Variants in FAM20C observed in about 807,000 individuals in gnomAD.
FAM20C encodes FAM20C golgi associated secretory pathway kinase.
A neutral mutation model predicts 51.5 loss-of-function variants in FAM20C; 40 were observed. That is an observed-to-expected ratio of 0.78 (90% CI 0.60 to 1.01). FAM20C has a LOEUF of 1.01. Ranked by LOEUF, FAM20C falls within the 50% of genes least tolerant of loss-of-function variation. FAM20C has a pLI of 0.00. For missense variants in FAM20C, 861 were observed against 844.7 expected (o/e 1.02, Z -0.24); for synonymous variants, 406 against 380.6 (o/e 1.07, Z -0.78).
intron 2 of FAM20C, among the ~76,000 whole-genome samples, chr7:198,640 G>A (rs4244221): frequency 0.03 from 4,554 of 152,260 alleles, 223 homozygotes; most frequent in African/African-American, 0.099. Context: ...CTTTGTCATC[G>A]AAATACCTGC....
rs1192676729 is a variant in FAM20C, at chr7:212,462, C to CA, written c.863+3496dup. Among the ~76,000 whole-genome samples, 422 of 149,100 alleles carry CA rather than the reference C, an allele frequency of 2.8e-3. 1 individual carries two copies. The highest frequency in any genetic ancestry group is 9.6e-3 in the African/African-American group (389 of 40,702). ...TGAGGGACAGAACAAGACTCCGTCT[C>CA]AAAAAAAAAAGTTTTCTTTAGTAAA... On this transcript the variant is annotated intron_variant, in intron 3 of 9. Coordinates refer to ENST00000313766, the MANE Select transcript of FAM20C (RefSeq NM_020223.4).
chr7:226,606 G>C (rs905850488), intron 3 of FAM20C, among the ~76,000 whole-genome samples: 1 of 152,124 alleles, frequency 6.6e-6, no homozygotes, highest in African/African-American at 2.4e-5. Flanking sequence ...TCGCAGGTCT[G>C]TGGGGACGGG....
At chr7:257,348 G>A (rs1367391546) in intron 8 of FAM20C, 17 of 509,496 alleles carry the variant, frequency 3.3e-5, no homozygotes, top group Non-Finnish European at 5.7e-5. Flanking sequence ...CCTGGGAAAC[G>A]GAGGCCAGGA....
chr7:193,725 C>A lies in FAM20C; in HGVS notation c.526C>A (p.Pro176Thr). Residue 176 changes from proline (P) to threonine (T), a missense_variant, in exon 1 of 10, where the codon CCG becomes ACG. Pro to Thr is a conservative substitution (Grantham distance 38, BLOSUM62 -1). Coordinates refer to ENST00000313766, the MANE Select transcript of FAM20C (RefSeq NM_020223.4). ...EHPLYRVAVPPLTEEDVLFNV... is the reference protein window; with the variant it reads ...EHPLYRVAVPTLTEEDVLFNV... ...CCCGCTTTACCGGGTGGCGGTTCCG[C>A]CGCTCACGGAGGAGGACGTCCTGTT... 1 of 1,547,312 alleles carries A rather than the reference C, an allele frequency of 6.5e-7. No individual in the cohort carries two copies.
chr7:230,621 C>T (rs1445746631), intron 3 of FAM20C, among the ~76,000 whole-genome samples: 3 of 152,064 alleles, frequency 2.0e-5, no homozygotes, highest in East Asian at 1.9e-4. Context: ...TCTGTAAAAT[C>T]GGTGGAAAAA....
At chr7:193,974 A>G (rs1055935678) in intron 1 of FAM20C, 170 bp downstream of exon 1, 3 of 1,077,044 alleles carry the variant, frequency 2.8e-6, no homozygotes, top group Non-Finnish European at 3.7e-6. Flanking sequence ...TGTCTCCAGA[A>G]TAACCTCCTC....
chr7:203,986 T>G (rs1345959282), intron 2 of FAM20C, among the ~76,000 whole-genome samples: 1 of 152,204 alleles, frequency 6.6e-6, no homozygotes, highest in Admixed American at 6.5e-5. Context: ...TACTAAAAAA[T>G]GTAGTCACTA....
At chr7:211,682 G>T (rs916095577) in intron 3 of FAM20C, among the ~76,000 whole-genome samples, 1 of 152,224 alleles carries the variant, frequency 6.6e-6, no homozygotes. Flanking sequence ...AGTGTGACGC[G>T]TGGGCTAAGC....
chr7:193,450 A>G lies in FAM20C; in HGVS notation c.251A>G (p.Asn84Ser), dbSNP rs1423570411. 5 of 1,460,516 alleles carry G rather than the reference A, an allele frequency of 3.4e-6. No individual in the cohort carries two copies. The highest frequency in any genetic ancestry group is 3.6e-6 in the Non-Finnish European group (4 of 1,098,816). The allele number at this position is 1,460,516 out of a possible 1,614,324, so 90.5% of individuals were successfully genotyped here. ...GCCGCCGGCGACGCGGGCTGGCCCAACAAGCACACGCTCCGCATCCTGCAG... is the reference window on the plus strand; with the variant it reads ...GCCGCCGGCGACGCGGGCTGGCCCAGCAAGCACACGCTCCGCATCCTGCAG... ...SSAAGDAGWPNKHTLRILQDF... is the reference protein window; with the variant it reads ...SSAAGDAGWPSKHTLRILQDF... The change falls in exon 1 of 10, where the codon AAC becomes AGC. Residue 84 changes from asparagine to serine, a missense_variant. Coordinates refer to ENST00000313766, the MANE Select transcript of FAM20C (RefSeq NM_020223.4).
chr7:258,534 C>A, intron 8 of FAM20C, 112 bp from the exon 9 acceptor site: 1 of 1,097,816 alleles, frequency 9.1e-7, no homozygotes, highest in Middle Eastern at 2.0e-4. Flanking sequence ...GGTGGACCCA[C>A]TGCCTGGGGT....
At chr7:210,101 G>A (rs897277772) in intron 3 of FAM20C, among the ~76,000 whole-genome samples, 14 of 152,246 alleles carry the variant, frequency 9.2e-5, no homozygotes, top group African/African-American at 2.4e-4. Context: ...GGGAGCAGCC[G>A]TTCACCAAAA....
In FAM20C at chr7:256,000, G is replaced by T; in HGVS notation, c.1224G>T (p.Arg408=). The part of the protein sequence containing the change: ...AKRKTWRNPW[R]RSYHKRKKAE... ...GGAAGACCTGGCGGAACCCTTGGCG[G>T]CGTTCCTACCACAAGCGCAAGAAGG... The change falls in exon 6 of 10, where the codon CGG becomes CGT. Residue 408 remains arginine, a synonymous_variant. Coordinates refer to ENST00000313766, the MANE Select transcript of FAM20C (RefSeq NM_020223.4). 10 of 1,536,056 alleles carry T rather than the reference G, an allele frequency of 6.5e-6. No homozygotes were observed. Among genetic ancestry groups the T allele is most frequent in the Non-Finnish European group, 8.7e-6 (10 of 1,146,792 alleles).
In FAM20C at chr7:246,424, G is replaced by C; in HGVS notation, c.873G>C (p.Arg291Ser). The C allele has an allele frequency of 7.1e-7, 1 of 1,416,224 alleles. No individual in the cohort carries two copies. The highest frequency in any genetic ancestry group is 1.2e-5 in the South Asian group (1 of 81,754). The allele number at this position is 1,416,224 out of a possible 1,614,324, so 87.7% of individuals were successfully genotyped here. A position where few individuals can be genotyped will look rare whatever the true frequency, so the allele number is the denominator to read the frequency against. ...TGTCTTGTTTTCTCAGACAAACGAGGGAGCAGGAGACACCCCCTGACTTTT... is the reference window on the plus strand; with the variant it reads ...TGTCTTGTTTTCTCAGACAAACGAGCGAGCAGGAGACACCCCCTGACTTTT... ...QALFKPMKQT[R>S]EQETPPDFFY... The change falls in exon 4 of 10, where the codon AGG becomes AGC. Residue 291 changes from arginine to serine, a missense_variant. Around this residue, in one of 3 missense-constraint regions of FAM20C, gnomAD observed 561 missense variants for 499.8 expected, o/e 1.12. Transcript: ENST00000313766.
chr7:214,233 G>A (rs140389873), intron 3 of FAM20C, among the ~76,000 whole-genome samples: 1,663 of 152,164 alleles, frequency 0.011, 27 homozygotes, highest in African/African-American at 0.036. Context: ...GCTGAGGCAG[G>A]AGAATCGCTT....
In FAM20C at chr7:193,493, C is replaced by G. The variant is rs774167843; in HGVS notation, c.294C>G (p.Pro98=). The change falls in exon 1 of 10, where the codon CCC becomes CCG. Residue 98 remains proline, a synonymous_variant. Transcript: ENST00000313766. ...TCCTGCAGGACTTCAGCTCCGACCC[C>G]TCCTCCAACCTCTCGTCCCACTCGC... ...LRILQDFSSD[P]SSNLSSHSLE... is the part of the protein sequence containing the mutation. The G allele has an allele frequency of 6.7e-6, 10 of 1,503,120 alleles. No homozygotes were observed. The South Asian group carries it at 1.1e-4, about 17-fold the overall frequency. The allele number at this position is 1,503,120 out of a possible 1,614,324, so 93.1% of individuals were successfully genotyped here.
At position 258,660 on chromosome 7, in the gene FAM20C, C is replaced by T. The variant is rs536323098; in HGVS notation, c.1460C>T (p.Ser487Leu). Residue 487 changes from serine to leucine, a missense_variant, in exon 9 of 10, where the codon TCG becomes TTG. Around this residue, in one of 3 missense-constraint regions of FAM20C, gnomAD observed 269 missense variants for 283.8 expected, o/e 0.95. Coordinates refer to ENST00000313766, the MANE Select transcript of FAM20C (RefSeq NM_020223.4). ...LDNGRGFGKY[S>L]HDELSILVPL... ...TCTTCTGGAAGGTTTGGGAAGTATT[C>T]GCACGACGAGCTCTCCATCCTGGTG... 7.2e-6 allele frequency: 11 copies of T among 1,536,740 alleles called. No homozygotes were observed. The highest frequency in any genetic ancestry group is 1.7e-4 in the Middle Eastern group (1 of 5,986).
chr7:257,761 G>C (rs1284148420), intron 8 of FAM20C, among the ~76,000 whole-genome samples: 2 of 137,700 alleles, frequency 1.5e-5, no homozygotes, highest in Non-Finnish European at 1.6e-5. Flanking sequence ...GCTGGAGATG[G>C]GCAGGGTGGA....
intron 2 of FAM20C, among the ~76,000 whole-genome samples, chr7:205,324 A>G (rs1256799773): frequency 6.6e-6 from 1 of 150,922 alleles, no homozygotes. Context: ...CCCCCCGAGT[A>G]GCCGGGACCA....
chr7:228,977 G>A, intron 3 of FAM20C: 1 of 379,642 alleles, frequency 2.6e-6, no homozygotes, highest in Non-Finnish European at 5.3e-6. Context: ...GCCAGGGTGA[G>A]TAGCGACACC....
Sources: allele counts gnomAD v4.1 joint callset (sites outside exome capture counted in the v4.1 genomes callset), GRCh38; gene constraint gnomAD v4.1.1; regional missense constraint gnomAD v4.1.1; transcripts MANE v1.5; gene names NCBI Gene and HGNC (gene_info 2026-07-23, HGNC 2026-07-21).